The following TRMT11 variants were observed in gnomAD, a reference collection of about 807,000 sequenced individuals.
The protein encoded by TRMT11 is tRNA methyltransferase 11.
TRMT11 carries 53 observed loss-of-function variants against 62.8 expected under a neutral mutation model. The observed-to-expected ratio is 0.84, with a 90% CI of 0.68 to 1.06. The LOEUF is 1.06. TRMT11 is among the 50% of genes least tolerant of loss of function. The pLI is 0.00. For synonymous variants in TRMT11, 188 were observed against 190.3 expected, an observed-to-expected ratio of 0.99 and a Z score of 0.10; for missense variants, 556 against 553.4, an observed-to-expected ratio of 1.00 and a Z score of -0.05.
At chr6:126,093,581 GTATGTATA>G (rs1322042904) in intron 17 of TRMT11, among the ~76,000 whole-genome samples, 3 of 37,070 alleles carry the variant, frequency 8.1e-5, no homozygotes, top group African/African-American at 1.9e-4. Context: ...AACAGGATAT[GTATGTATA>G]TATATATATA....
chr6:126,154,571 TA>T (rs1297262755), intron 21 of TRMT11, among the ~76,000 whole-genome samples: 2 of 152,220 alleles, frequency 1.3e-5, no homozygotes, highest in African/African-American at 4.8e-5. Flanking sequence ...TCTAGCCCAG[TA>T]GCAATTTGAT....
At chr6:126,158,461 T>C (rs1056396288) in intron 21 of TRMT11, among the ~76,000 whole-genome samples, 2 of 152,216 alleles carry the variant, frequency 1.3e-5, no homozygotes, top group African/African-American at 4.8e-5. Context: ...TTGGGAAGAC[T>C]ATAGGAGGAA....
chr6:126,023,304 C>T (rs189812801), intron 12 of TRMT11, among the ~76,000 whole-genome samples: 1 of 152,288 alleles, frequency 6.6e-6, no homozygotes, highest in Non-Finnish European at 1.5e-5. Flanking sequence ...TCTTATTTAA[C>T]GTCCATTTCA....
chr6:126,145,333 A>T (rs1235936188), intron 21 of TRMT11, among the ~76,000 whole-genome samples: 2 of 152,168 alleles, frequency 1.3e-5, no homozygotes, highest in African/African-American at 4.8e-5. Flanking sequence ...GGGAAGTAGA[A>T]AAAGAAAGAG....
At chr6:126,257,894 G>T in the TRMT11 span, 1 of 1,435,196 alleles carries the variant, frequency 7.0e-7, no homozygotes, top group Non-Finnish European at 9.8e-7. Context: ...ATTGTCCTGA[G>T]CCACCATTCA....
chr6:126,149,718 G>T (rs1034789277), intron 21 of TRMT11, among the ~76,000 whole-genome samples: 3 of 143,492 alleles, frequency 2.1e-5, no homozygotes, highest in Non-Finnish European at 3.0e-5. Context: ...TTTGAAGAGG[G>T]TATTGATTGC....
At chr6:126,085,240 G>T (rs1777200907) in intron 17 of TRMT11, among the ~76,000 whole-genome samples, 1 of 152,066 alleles carries the variant, frequency 6.6e-6, no homozygotes, top group African/African-American at 2.4e-5. Flanking sequence ...CAGTAAAGCT[G>T]AAAAAAATTA....
chr6:125,987,043 T>G (rs1464077183), intron 1 of TRMT11: 1 of 174,664 alleles, frequency 5.7e-6, no homozygotes, highest in Non-Finnish European at 1.2e-5. Flanking sequence ...GAGAAGAGTG[T>G]TTTATTTATT....
intron 21 of TRMT11, among the ~76,000 whole-genome samples, chr6:126,136,311 T>C (rs1482494959): frequency 1.3e-5 from 2 of 151,666 alleles, no homozygotes; most frequent in African/African-American, 4.8e-5. Context: ...AATAACATCT[T>C]AGTAAAATTA....
chr6:126,005,130 G>T (rs1793166003), intron 7 of TRMT11, among the ~76,000 whole-genome samples: 1 of 151,946 alleles, frequency 6.6e-6, no homozygotes, highest in South Asian at 2.1e-4. Flanking sequence ...CCTATTAATG[G>T]CACAGCCCTG....
chr6:126,151,839 T>C (rs1778050702), intron 21 of TRMT11, among the ~76,000 whole-genome samples: 6 of 146,214 alleles, frequency 4.1e-5, no homozygotes, highest in East Asian at 4.0e-4. Context: ...TCTTTCTTTC[T>C]TTCTTTCTTT....
chr6:126,152,811 G>T (rs917175997), intron 21 of TRMT11, among the ~76,000 whole-genome samples: 3 of 152,180 alleles, frequency 2.0e-5, no homozygotes, highest in Non-Finnish European at 4.4e-5. Context: ...ACTCAGTCTT[G>T]ATTCACTGTG....
intron 21 of TRMT11, among the ~76,000 whole-genome samples, chr6:126,150,029 C>T (rs946994312): frequency 6.6e-6 from 1 of 152,132 alleles, no homozygotes; most frequent in African/African-American, 2.4e-5. Flanking sequence ...AATTTAATCC[C>T]TAATGTTGCG....
chr6:126,016,388 T>A (rs548368766), intron 11 of TRMT11, among the ~76,000 whole-genome samples: 1 of 152,334 alleles, frequency 6.6e-6, no homozygotes, highest in East Asian at 1.9e-4. Context: ...CCTTTTGAAA[T>A]ATCCTCAGTA....
intron 1 of TRMT11, among the ~76,000 whole-genome samples, chr6:126,196,994 C>G (rs1344087600): frequency 6.6e-6 from 1 of 152,100 alleles, no homozygotes; most frequent in African/African-American, 2.4e-5. Context: ...AGAAGATACA[C>G]TAGCCCCAAA....
intron 1 of TRMT11, among the ~76,000 whole-genome samples, chr6:126,196,949 A>C (rs114366054): frequency 2.6e-4 from 39 of 152,330 alleles, no homozygotes; most frequent in African/African-American, 9.4e-4. Context: ...ATATCAACTT[A>C]AAATGAGAAG....
At chr6:126,213,023 A>G in the TRMT11 span, among the ~76,000 whole-genome samples, 3 of 152,244 alleles carry the variant, frequency 2.0e-5, no homozygotes, top group Admixed American at 2.0e-4. Flanking sequence ...CTTATTAAAA[A>G]CACTGTCCTA....
intron 12 of TRMT11, among the ~76,000 whole-genome samples, chr6:126,028,139 T>C (rs1209361081): frequency 6.6e-6 from 1 of 152,184 alleles, no homozygotes; most frequent in African/African-American, 2.4e-5. Flanking sequence ...TCTCTTCTGA[T>C]TGACTTTTCT....
intron 2 of TRMT11, 105 bp from the exon 3 acceptor site, chr6:125,995,862 C>T: frequency 1.4e-6 from 1 of 719,358 alleles, no homozygotes; most frequent in Non-Finnish European, 2.5e-6. Context: ...GATATTCTTA[C>T]ATGAAAGTAG....
Sources: gnomAD v4.1 joint callset for allele counts (sites outside exome capture counted in the v4.1 genomes callset) on GRCh38, gnomAD v4.1.1 for gene constraint, MANE v1.5 for transcripts, NCBI Gene and HGNC (gene_info 2026-07-23, HGNC 2026-07-21) for gene names.